PCDHGB1: variants seen among roughly 807,000 people sequenced by gnomAD.
The protein encoded by PCDHGB1 is protocadherin gamma-B1.
Under a neutral mutation model 56.6 loss-of-function variants are expected in PCDHGB1, and 34 were observed. The observed-to-expected ratio is 0.60, with a 90% CI of 0.46 to 0.80. The LOEUF is 0.80. Ranked by LOEUF, PCDHGB1 falls within the 30% of genes least tolerant of loss-of-function variation. The pLI is 0.00. For synonymous variants in PCDHGB1, 561 were observed against 505.9 expected (o/e 1.11, Z -1.46); for missense variants, 1,278 against 1,204.6 (o/e 1.06, Z -0.90).
chr5:141,370,306 C>T (rs1766802284), intron 1 of PCDHGB1: 1 of 1,215,888 alleles, frequency 8.2e-7, no homozygotes, highest in Non-Finnish European at 1.1e-6. Context: ...AAAGACAAAG[C>T]AAATAGTTGG....
In PCDHGB1 at chr5:141,366,149, C is replaced by G. The variant is rs532159175; in HGVS notation, c.2409+13480C>G. Reference sequence around the variant, plus strand: ...AGGCCAGAACGCCTGGCTGTCCTACCGCCTGCTTAAGGCCAGCGAGCCAGG... The same window carrying G: ...AGGCCAGAACGCCTGGCTGTCCTACGGCCTGCTTAAGGCCAGCGAGCCAGG... On this transcript the variant is annotated intron_variant, in intron 1 of 3. Transcript: ENST00000523390. 1.9e-6 allele frequency: 3 copies of G among 1,614,160 alleles called. No individual in the cohort carries two copies. The African/African-American group carries it at 4.0e-5, about 22-fold the overall frequency.
chr5:141,370,911 A>C lies in PCDHGB1; in HGVS notation c.2409+18242A>C, dbSNP rs1463962287. On this transcript the variant is annotated intron_variant, in intron 1 of 3. Transcript: ENST00000523390. ...CAATTCGCTGCAGCAGTACTACCTCAGCCCTGATCCGCACTTCTCTTTGAT... is the reference window on the plus strand; with the variant it reads ...CAATTCGCTGCAGCAGTACTACCTCCGCCCTGATCCGCACTTCTCTTTGAT... 3.7e-6 allele frequency: 6 copies of C among 1,613,916 alleles called. No homozygotes were observed. In the Admixed American group the frequency reaches 1.0e-4, roughly 27 times the overall value.
intron 1 of PCDHGB1, chr5:141,392,161 C>T (rs2092476241): frequency 6.6e-6 from 1 of 152,200 alleles, no homozygotes; most frequent in African/African-American, 2.4e-5. Context: ...AAAACAATTT[C>T]TGAGTCAGTC....
At chr5:141,405,261 T>A (rs1445565178) in intron 1 of PCDHGB1, 1 of 1,613,852 alleles carries the variant, frequency 6.2e-7, no homozygotes, top group South Asian at 1.1e-5. Context: ...CACCTGATCT[T>A]CCCCCAGCCC....
Position 141,489,527 on chromosome 5 carries a change from G to A in PCDHGB1, c.2410-5280G>A. On this transcript the variant is annotated intron_variant, in intron 1 of 3. Coordinates refer to ENST00000523390, the MANE Select transcript of PCDHGB1 (RefSeq NM_018922.3). The surrounding 1 kb of genome is among the most constrained non-coding windows in gnomAD (Gnocchi z 4.5). The stretch of plus-strand genomic sequence containing the variant: ...CAAAAGATTGACCGAGAAAGCCTAT[G>A]TGGAGCCAGCACCAGCTGCCTGCTG... The A allele has an allele frequency of 1.9e-6, 3 of 1,614,152 alleles. No individual in the cohort carries two copies. Among genetic ancestry groups the A allele is most frequent in the East Asian group, 2.2e-5 (1 of 44,874 alleles).
At chr5:141,364,765 T>C (rs767363057) in intron 1 of PCDHGB1, 4 of 1,613,970 alleles carry the variant, frequency 2.5e-6, no homozygotes, top group Non-Finnish European at 3.4e-6. Flanking sequence ...TTAATGAAAA[T>C]GCGGCTGCAG....
chr5:141,429,861 A>G (rs1483953460), intron 1 of PCDHGB1, among the ~76,000 whole-genome samples: 1 of 152,226 alleles, frequency 6.6e-6, no homozygotes, highest in Non-Finnish European at 1.5e-5. Flanking sequence ...TCTTTGGACT[A>G]CCAATTTTCT....
At chr5:141,393,335 C>T (rs764386599) in intron 1 of PCDHGB1, 1 of 1,613,458 alleles carries the variant, frequency 6.2e-7, no homozygotes, top group South Asian at 1.1e-5. Flanking sequence ...AGCTCAGCCC[C>T]AATCACCACT....
chr5:141,491,109 A>G lies in PCDHGB1; in HGVS notation c.2410-3698A>G, dbSNP rs1039906987. 4.3e-6 allele frequency: 7 copies of G among 1,614,074 alleles called. No individual in the cohort carries two copies. The African/African-American group carries it at 9.3e-5, about 22-fold the overall frequency. ...CCCCAGGACTGTTCCTCGTGTCTAC[A>G]CACACTGGTGAGGTGCGCACAGCCC... On this transcript the variant is annotated intron_variant, in intron 1 of 3. Coordinates refer to ENST00000523390, the MANE Select transcript of PCDHGB1 (RefSeq NM_018922.3). The surrounding 1 kb of genome is among the most constrained non-coding windows in gnomAD (Gnocchi z 6.9).
In PCDHGB1 at chr5:141,477,806, G is replaced by T; in HGVS notation, c.2410-17001G>T. ...ATTTGTCACTGATCGCAATGACAAT[G>T]CCCCCCAGGTCCTATATCCTCGGCC... On this transcript the variant is annotated intron_variant, in intron 1 of 3. Coordinates refer to ENST00000523390, the MANE Select transcript of PCDHGB1 (RefSeq NM_018922.3). The surrounding 1 kb of genome is among the most constrained non-coding windows in gnomAD (Gnocchi z 4.9). 6.2e-7 allele frequency: 1 copy of T among 1,614,118 alleles called. No homozygotes were observed. The highest frequency in any genetic ancestry group is 8.5e-7 in the Non-Finnish European group (1 of 1,180,036).
intron 1 of PCDHGB1, chr5:141,375,068 G>A: frequency 6.2e-7 from 1 of 1,614,016 alleles, no homozygotes; most frequent in Non-Finnish European, 8.5e-7. Flanking sequence ...AGGTCTTCGA[G>A]ACAGAGCGAA....
intron 1 of PCDHGB1, chr5:141,414,754 G>A: frequency 6.2e-7 from 1 of 1,614,190 alleles, no homozygotes; most frequent in Non-Finnish European, 8.5e-7. Flanking sequence ...CTTCGACTAT[G>A]AGCAGTTTCA....
At chr5:141,365,169 C>G (rs1419653105) in intron 1 of PCDHGB1, 1 of 1,613,808 alleles carries the variant, frequency 6.2e-7, no homozygotes, top group Non-Finnish European at 8.5e-7. Context: ...TTGACCTACT[C>G]TTTTCGCAAT....
chr5:141,394,033 G>A, intron 1 of PCDHGB1: 7 of 1,613,540 alleles, frequency 4.3e-6, no homozygotes, highest in Non-Finnish European at 5.9e-6. Context: ...TTAGTGACAA[G>A]GAAATATTTG....
At chr5:141,400,168 C>T (rs1042097050) in intron 1 of PCDHGB1, 5 of 1,614,088 alleles carry the variant, frequency 3.1e-6, no homozygotes, top group Non-Finnish European at 4.2e-6. Flanking sequence ...CTCTGACCCC[C>T]AGGCTGAGCT....
chr5:141,456,308 T>C (rs2098849199), intron 1 of PCDHGB1, among the ~76,000 whole-genome samples: 1 of 152,156 alleles, frequency 6.6e-6, no homozygotes, highest in Non-Finnish European at 1.5e-5. Context: ...GAACAGCAGC[T>C]AGGGCTCCTC....
At chr5:141,375,622 TCTGTACGCC>T in intron 1 of PCDHGB1, 1 of 1,614,200 alleles carries the variant, frequency 6.2e-7, no homozygotes. Flanking sequence ...ACACTGGGAT[TCTGTACGCC>T]CTGCGCTCCT....
At chr5:141,404,186 C>G in intron 1 of PCDHGB1, 1 of 1,613,086 alleles carries the variant, frequency 6.2e-7, no homozygotes, top group Non-Finnish European at 8.5e-7. Flanking sequence ...AATTCTTGAC[C>G]GAGAAAAAGC....
intron 1 of PCDHGB1, chr5:141,379,314 G>T (rs557036464): frequency 6.6e-6 from 1 of 152,242 alleles, no homozygotes; most frequent in South Asian, 2.1e-4. Context: ...CTAAACAAGA[G>T]ATCTAATCAT....
Sources: gnomAD v4.1 joint callset for allele counts (sites outside exome capture counted in the v4.1 genomes callset) on GRCh38, gnomAD v4.1.1 for gene constraint, Gnocchi (gnomAD v3.1) non-coding constraint, MANE v1.5 for transcripts, NCBI Gene and HGNC (gene_info 2026-07-23, HGNC 2026-07-21) for gene names.